MACROD2: variants seen among roughly 807,000 people sequenced by gnomAD.
The protein encoded by MACROD2 is ADP-ribose glycohydrolase MACROD2.
In MACROD2, 36 loss-of-function variants were observed where a neutral mutation model predicts 70.4. That is an observed-to-expected ratio of 0.51 (90% CI 0.39 to 0.68). The LOEUF is 0.68. Among genes scored for constraint, MACROD2 ranks in the 30% least tolerant of loss-of-function variants. MACROD2 has a pLI of 0.00. For synonymous variants in MACROD2, 172 were observed against 178.8 expected (o/e 0.96, Z 0.30); for missense variants, 496 against 538.4 (o/e 0.92, Z 0.78).
intron 4 of MACROD2, among the ~76,000 whole-genome samples, chr20:14,634,309 T>C (rs921511647): frequency 4.6e-5 from 7 of 152,258 alleles, no homozygotes; most frequent in Non-Finnish European, 8.8e-5. Flanking sequence ...GCAAAGATGA[T>C]GCCTTGTCCA....
chr20:15,721,839 C>T (rs905127466), intron 8 of MACROD2, among the ~76,000 whole-genome samples: 1 of 152,074 alleles, frequency 6.6e-6, no homozygotes, highest in Non-Finnish European at 1.5e-5. Context: ...TCCTTGCCAA[C>T]AATAATTAGC....
At chr20:14,143,097 T>G (rs1273027937) in intron 3 of MACROD2, among the ~76,000 whole-genome samples, 1 of 152,206 alleles carries the variant, frequency 6.6e-6, no homozygotes, top group East Asian at 1.9e-4. Flanking sequence ...GTTATCATCC[T>G]AGAAAATTTG....
intron 3 of MACROD2, among the ~76,000 whole-genome samples, chr20:14,171,014 T>C (rs1401479418): frequency 1.3e-5 from 2 of 152,210 alleles, no homozygotes; most frequent in African/African-American, 2.4e-5. Flanking sequence ...ACCATTTCAG[T>C]CTCGCTGCTT....
chr20:14,980,113 A>G (rs1366973275), intron 5 of MACROD2, among the ~76,000 whole-genome samples: 1 of 152,166 alleles, frequency 6.6e-6, no homozygotes, highest in Non-Finnish European at 1.5e-5. Context: ...TCATTTGAAT[A>G]TTTGTCCTCC....
chr20:14,661,199 T>C (rs1986210719), intron 4 of MACROD2, among the ~76,000 whole-genome samples: 1 of 152,120 alleles, frequency 6.6e-6, no homozygotes, highest in Non-Finnish European at 1.5e-5. Context: ...TTCTCTGCAA[T>C]CTTGTCAACA....
Position 15,810,435 on chromosome 20 carries a change from G to A in MACROD2, c.646-52310G>A, listed in dbSNP as rs577028141. ...TCTAGTTCTAGATCCCTGAGGAATC[G>A]CCACACTGACTTCCACAATGGTTGA... is the stretch of plus-strand genomic sequence containing the variant. On this transcript the variant is annotated intron_variant, in intron 8 of 17. Transcript: ENST00000684519. Among the ~76,000 whole-genome samples the A allele has an allele frequency of 7.9e-5, 12 of 151,738 alleles. No homozygotes were observed. The East Asian group carries it at 9.7e-4, about 12-fold the overall frequency.
At chr20:15,071,931 T>C (rs973828211) in intron 5 of MACROD2, among the ~76,000 whole-genome samples, 10 of 152,156 alleles carry the variant, frequency 6.6e-5, no homozygotes, top group Admixed American at 4.6e-4. Context: ...CTCATTCCAC[T>C]TGTTACCTAG....
At chr20:14,635,548 C>T (rs1348719203) in intron 4 of MACROD2, among the ~76,000 whole-genome samples, 1 of 152,108 alleles carries the variant, frequency 6.6e-6, no homozygotes, top group African/African-American at 2.4e-5. Flanking sequence ...AAAAATGCAA[C>T]ATAAAATTGT....
At chr20:16,046,077 C>G (rs934274312) in intron 17 of MACROD2, among the ~76,000 whole-genome samples, 1 of 152,056 alleles carries the variant, frequency 6.6e-6, no homozygotes, top group South Asian at 2.1e-4. Flanking sequence ...CACCCTTGCC[C>G]CCTGTACCTC....
Position 14,302,181 on chromosome 20 carries a change from T to G in MACROD2, c.272-191298T>G, listed in dbSNP as rs567961775. ...GATATCATCATGCTGGGCTTTTATC[T>G]GGAGTCTCTGGAGAAAAATCTGCTT... On this transcript the variant is annotated intron_variant, in intron 3 of 17. Transcript: ENST00000684519. 5.1e-4 allele frequency among the ~76,000 whole-genome samples: 77 copies of G among 152,328 alleles called. No individual in the cohort carries two copies. The South Asian group carries it at 8.1e-3, about 16-fold the overall frequency.
intron 3 of MACROD2, among the ~76,000 whole-genome samples, chr20:14,089,706 G>A (rs1335456419): frequency 1.3e-5 from 2 of 151,954 alleles, no homozygotes; most frequent in East Asian, 1.9e-4. Context: ...TTAGAGTTAG[G>A]CAGACCTGGG....
intron 10 of MACROD2, among the ~76,000 whole-genome samples, chr20:15,923,207 C>CA (rs1487663924): frequency 2.0e-5 from 3 of 151,924 alleles, no homozygotes; most frequent in African/African-American, 7.3e-5. Flanking sequence ...AAACTGGGAA[C>CA]AAAAAAAGGT....
chr20:15,088,422 T>A (rs1382392702), intron 5 of MACROD2, among the ~76,000 whole-genome samples: 2 of 35,760 alleles, frequency 5.6e-5, no homozygotes, highest in African/African-American at 1.5e-4. Flanking sequence ...TATATATATA[T>A]ATATATATAT....
intron 13 of MACROD2, among the ~76,000 whole-genome samples, chr20:15,975,433 T>C (rs1601250184): frequency 6.6e-6 from 1 of 152,230 alleles, no homozygotes; most frequent in Admixed American, 6.5e-5. Context: ...ATTTATTTAC[T>C]GAAATGTTCA....
intron 5 of MACROD2, among the ~76,000 whole-genome samples, chr20:15,125,514 A>G (rs577957547): frequency 2.0e-5 from 3 of 152,160 alleles, no homozygotes; most frequent in Non-Finnish European, 4.4e-5. Flanking sequence ...GTGAATCTAT[A>G]TCACCAAGAA....
At chr20:14,954,493 T>TATATATAATTATTATTATATAATTAATA (rs1480520041) in intron 5 of MACROD2, among the ~76,000 whole-genome samples, 2 of 141,438 alleles carry the variant, frequency 1.4e-5, no homozygotes, top group African/African-American at 5.2e-5. Flanking sequence ...ATATATAAAT[T>TATATATAATTATTATTATATAATTAATA]ATATATAATT....
At chr20:15,450,741 G>T (rs775329566) in intron 7 of MACROD2, among the ~76,000 whole-genome samples, 4 of 152,100 alleles carry the variant, frequency 2.6e-5, no homozygotes, top group African/African-American at 4.8e-5. Flanking sequence ...AACCAGACCT[G>T]TTCCACCCAT....
chr20:14,651,887 C>T (rs920864610), intron 4 of MACROD2, among the ~76,000 whole-genome samples: 2 of 152,156 alleles, frequency 1.3e-5, no homozygotes, highest in African/African-American at 4.8e-5. Context: ...GGCAGTGTCT[C>T]ACCTAGGTAG....
At chr20:15,674,366 G>C (rs545085967) in intron 8 of MACROD2, among the ~76,000 whole-genome samples, 9 of 152,246 alleles carry the variant, frequency 5.9e-5, no homozygotes, top group Admixed American at 4.6e-4. Context: ...AGGATACAGA[G>C]GTGAGGGGAG....
Sources: gnomAD v4.1 joint callset for allele counts (sites outside exome capture counted in the v4.1 genomes callset) on GRCh38, gnomAD v4.1.1 for gene constraint, MANE v1.5 for transcripts, NCBI Gene and HGNC (gene_info 2026-07-23, HGNC 2026-07-21) for gene names.